Variants in SGCD observed in about 807,000 individuals in gnomAD.
The protein encoded by SGCD is sarcoglycan delta.
A neutral mutation model predicts 36.6 loss-of-function variants in SGCD; 18 were observed. That is an observed-to-expected ratio of 0.49 (90% CI 0.34 to 0.73). SGCD has a LOEUF of 0.73. SGCD is among the 30% of genes least tolerant of loss of function. The probability of loss-of-function intolerance (pLI) is 0.01; values close to 1 mark genes in which losing one functional copy is unlikely to be tolerated. For missense variants in SGCD, 387 were observed against 346.7 expected, an observed-to-expected ratio of 1.12 and a Z score of -0.92; for synonymous variants, 133 against 130.6, an observed-to-expected ratio of 1.02 and a Z score of -0.12.
chr5:156,529,519 A>C (rs1278957540), intron 4 of SGCD, among the ~76,000 whole-genome samples: 1 of 151,838 alleles, frequency 6.6e-6, no homozygotes, highest in South Asian at 2.1e-4. Context: ...GGCAAAAAAA[A>C]AAATGTTGCT....
At chr5:156,276,655 A>T (rs113258694) in intron 3 of SGCD, among the ~76,000 whole-genome samples, 9 of 152,302 alleles carry the variant, frequency 5.9e-5, no homozygotes, top group African/African-American at 2.2e-4. Context: ...CATATTTATT[A>T]TACACCCTTT....
chr5:156,186,554 G>A (rs750081451), intron 3 of SGCD, among the ~76,000 whole-genome samples: 1 of 152,152 alleles, frequency 6.6e-6, no homozygotes, highest in Non-Finnish European at 1.5e-5. Context: ...GGGCAAATAG[G>A]TGATTGTATT....
chr5:155,854,683 CT>C, the SGCD span, among the ~76,000 whole-genome samples: 15 of 152,102 alleles, frequency 9.9e-5, no homozygotes, highest in African/African-American at 3.4e-4. Context: ...GAATAAAACT[CT>C]TGTAGTGTGG....
intron 3 of SGCD, among the ~76,000 whole-genome samples, chr5:156,152,592 A>G (rs536402444): frequency 1.3e-5 from 2 of 151,818 alleles, no homozygotes; most frequent in South Asian, 4.1e-4. Flanking sequence ...TATAAATCAT[A>G]TGTTGCATAC....
intron 3 of SGCD, among the ~76,000 whole-genome samples, chr5:156,374,283 G>A (rs1770543467): frequency 6.6e-6 from 1 of 152,144 alleles, no homozygotes; most frequent in South Asian, 2.1e-4. Flanking sequence ...TGTGAAACAA[G>A]CTCACTCATG....
At chr5:156,689,828 A>C (rs1187340137) in intron 7 of SGCD, among the ~76,000 whole-genome samples, 1 of 152,190 alleles carries the variant, frequency 6.6e-6, no homozygotes, top group African/African-American at 2.4e-5. Flanking sequence ...TAAGCCCTGG[A>C]AATAGTCATT....
At chr5:156,004,580 C>T (rs1211970672) in intron 1 of SGCD, among the ~76,000 whole-genome samples, 2 of 152,190 alleles carry the variant, frequency 1.3e-5, no homozygotes, top group Non-Finnish European at 2.9e-5. Context: ...ACACCCGGAT[C>T]AGCTTCACTT....
chr5:155,740,952 G>A, the SGCD span, among the ~76,000 whole-genome samples: 572 of 152,316 alleles, frequency 3.8e-3, 7 homozygotes, highest in African/African-American at 0.013. Flanking sequence ...GAGAACATGT[G>A]CCCAAAGTGG....
At chr5:155,907,248 G>T (rs1756537155) in intron 1 of SGCD, among the ~76,000 whole-genome samples, 1 of 151,988 alleles carries the variant, frequency 6.6e-6, no homozygotes, top group Admixed American at 6.6e-5. Flanking sequence ...AAAATTCCTG[G>T]TCATTGACAA....
chr5:156,022,303 C>A (rs1276240761), intron 1 of SGCD, among the ~76,000 whole-genome samples: 1 of 152,082 alleles, frequency 6.6e-6, no homozygotes, highest in Admixed American at 6.5e-5. Flanking sequence ...TCTAAAAATA[C>A]CTCACAGACT....
At chr5:156,267,085 A>T (rs1382485966) in intron 3 of SGCD, among the ~76,000 whole-genome samples, 2 of 152,158 alleles carry the variant, frequency 1.3e-5, no homozygotes, top group African/African-American at 2.4e-5. Flanking sequence ...AAGTCATTGA[A>T]CTCTCTCAGA....
intron 6 of SGCD, among the ~76,000 whole-genome samples, chr5:156,606,362 G>A (rs1761453471): frequency 6.6e-6 from 1 of 152,120 alleles, no homozygotes; most frequent in African/African-American, 2.4e-5. Flanking sequence ...TTGTAGATAT[G>A]TGGCATTATT....
At chr5:156,665,250 C>T (rs1470765603) in intron 7 of SGCD, among the ~76,000 whole-genome samples, 1 of 151,990 alleles carries the variant, frequency 6.6e-6, no homozygotes, top group Non-Finnish European at 1.5e-5. Flanking sequence ...GTGGTTTAGA[C>T]TCTGATGGCC....
At chr5:156,755,482 A>G (rs1243320990) in intron 7 of SGCD, among the ~76,000 whole-genome samples, 1 of 152,228 alleles carries the variant, frequency 6.6e-6, no homozygotes, top group African/African-American at 2.4e-5. Flanking sequence ...CTCAAAAGTG[A>G]GAGGGAGTCA....
chr5:155,917,581 T>C (rs1281430723), intron 1 of SGCD, among the ~76,000 whole-genome samples: 1 of 152,044 alleles, frequency 6.6e-6, no homozygotes, highest in East Asian at 1.9e-4. Flanking sequence ...TTTTCTACTG[T>C]TTTCAATGGA....
Position 156,070,917 on chromosome 5 carries a change from A to G in SGCD, c.-281-46961A>G, listed in dbSNP as rs531032948. On this transcript the variant is annotated intron_variant, in intron 1 of 9. Transcript: ENST00000517913. ...CTTCTAGATTTTCTAGTTTATTTGC[A>G]TAGAGGTGTTTGTAGTATTCTCTGA... Among the ~76,000 whole-genome samples, 23 of 152,254 alleles carry G rather than the reference A, an allele frequency of 1.5e-4. No homozygotes were observed. In the East Asian group the frequency reaches 2.9e-3, roughly 19 times the overall value.
chr5:155,729,543 C>T, the SGCD span, among the ~76,000 whole-genome samples: 9 of 152,232 alleles, frequency 5.9e-5, no homozygotes, highest in Non-Finnish European at 1.2e-4. Context: ...CTCCGGAATG[C>T]CCGATTGTCT....
At chr5:155,739,423 G>T in the SGCD span, among the ~76,000 whole-genome samples, 1 of 152,210 alleles carries the variant, frequency 6.6e-6, no homozygotes. Flanking sequence ...GGTGGTAGGG[G>T]AGGGCTGTTG....
chr5:156,316,792 G>T (rs188866322), intron 3 of SGCD, among the ~76,000 whole-genome samples: 1 of 152,016 alleles, frequency 6.6e-6, no homozygotes, highest in African/African-American at 2.4e-5. Context: ...AACCTACACT[G>T]TCTAAAGATT....
Sources: gnomAD v4.1 joint callset for allele counts (sites outside exome capture counted in the v4.1 genomes callset) on GRCh38, gnomAD v4.1.1 for gene constraint, MANE v1.5 for transcripts, NCBI Gene and HGNC (gene_info 2026-07-23, HGNC 2026-07-21) for gene names.